UHRF1: variants seen among roughly 807,000 people sequenced by gnomAD.
The protein encoded by UHRF1 is ubiquitin like with PHD and ring finger domains 1, also known as E3 ubiquitin-protein ligase UHRF1.
UHRF1 carries 9 observed loss-of-function variants against 96.5 expected under a neutral mutation model. The ratio of observed to expected loss-of-function variants is 0.09; its 90% CI spans 0.06 to 0.16. UHRF1 has a LOEUF of 0.16. Ranked by LOEUF, UHRF1 falls within the 10% of genes least tolerant of loss-of-function variation. The probability of loss-of-function intolerance (pLI) is 1.00; values close to 1 mark genes in which losing one functional copy is unlikely to be tolerated. For synonymous variants in UHRF1, 455 were observed against 469.9 expected (o/e 0.97, Z 0.41); for missense variants, 626 against 1,131.1 (o/e 0.55, Z 6.40).
rs375885111 is a variant in UHRF1 at position 4,929,219 on chromosome 19, C to T, written c.154-3C>T. On this transcript the variant is annotated splice_polypyrimidine_tract_variant and splice_region_variant and intron_variant, in intron 2 of 16. Coordinates refer to ENST00000650932, the MANE Select transcript of UHRF1 (RefSeq NM_001048201.3). ...ACAGCGTCTGCCTCTGGTGTCCCTG[C>T]AGATGGAGGACGGCCATACCCTCTT... The T allele has an allele frequency of 4.0e-5, 64 of 1,608,836 alleles. No individual in the cohort carries two copies. The African/African-American group carries it at 7.6e-4, about 19-fold the overall frequency.
At chr19:4,905,201 C>T (rs977061499), upstream of UHRF1, among the ~76,000 whole-genome samples, 7 of 143,404 alleles carry the variant, frequency 4.9e-5, no homozygotes, top group Non-Finnish European at 9.0e-5. Flanking sequence ...ACTGCAAGCT[C>T]TGCCTCCCAG....
chr19:4,939,819 TC>T (rs2033330738), intron 5 of UHRF1, among the ~76,000 whole-genome samples: 1 of 152,054 alleles, frequency 6.6e-6, no homozygotes, highest in Non-Finnish European at 1.5e-5. Flanking sequence ...GGTCAGGAGA[TC>T]GAGACCATCC....
chr19:4,910,340 G>GGGGGAGGCCGGCAAGGA (rs2032210941), intron 1 of UHRF1: 1 of 142,344 alleles, frequency 7.0e-6, no homozygotes, highest in Non-Finnish European at 1.6e-5. Flanking sequence ...GCACGCGCGC[G>GGGGGAGGCCGGCAAGGA]GGGGGGGCCG....
intron 5 of UHRF1, among the ~76,000 whole-genome samples, chr19:4,939,686 G>C (rs778065539): frequency 2.0e-5 from 3 of 152,144 alleles, no homozygotes; most frequent in Non-Finnish European, 2.9e-5. Context: ...CCTGTGCTGT[G>C]CTTGAAATGT....
At chr19:4,924,844 T>C (rs2032818198) in intron 2 of UHRF1, among the ~76,000 whole-genome samples, 1 of 151,336 alleles carries the variant, frequency 6.6e-6, no homozygotes, top group Admixed American at 6.6e-5. Context: ...TTTTTTTTTT[T>C]TGAGACAGTG....
chr19:4,936,524 T>G (rs2033220335), intron 5 of UHRF1, among the ~76,000 whole-genome samples: 1 of 152,178 alleles, frequency 6.6e-6, no homozygotes, highest in Non-Finnish European at 1.5e-5. Context: ...GCTACCAGCC[T>G]TTGCCAGGGC....
In UHRF1 at chr19:4,954,919, C is replaced by T; in HGVS notation, c.2130+97C>T. ...ATGTTCCCCATTTTCAAGTGTACAG[C>T]TCAGTCGCACTGAGTACATTCTTGT... On this transcript the variant is annotated intron_variant, in intron 15 of 16. Transcript: ENST00000650932. The surrounding 1 kb of genome is among the most constrained non-coding windows in gnomAD (Gnocchi z 5.9). 1 of 1,436,946 alleles carries T rather than the reference C, an allele frequency of 7.0e-7. No homozygotes were observed. Among genetic ancestry groups the T allele is most frequent in the South Asian group, 1.3e-5 (1 of 78,240 alleles). 89.0% of individuals were successfully genotyped at this position (1,436,946 alleles called of 1,614,324 possible). A position where few individuals can be genotyped will look rare whatever the true frequency, so the allele number is the denominator to read the frequency against.
At position 4,941,618 on chromosome 19, in the gene UHRF1, C is replaced by T. The variant is rs371556927; in HGVS notation, c.876C>T (p.Asn292=). Residue 292 remains asparagine, a synonymous_variant, in exon 6 of 17, where the codon AAC becomes AAT. Transcript: ENST00000650932. The stretch of plus-strand genomic sequence containing the variant: ...GTGAAGGGAGCCCCATGGTTGACAA[C>T]CCCATGAGACGTGAGTTCTGAGCCA... ...RPGEGSPMVD[N]PMRRKSGPSC... 6 of 1,613,202 alleles carry T rather than the reference C, an allele frequency of 3.7e-6. 1 individual carries two copies. The highest frequency in any genetic ancestry group is 3.3e-5 in the South Asian group (3 of 90,944).
In UHRF1 at chr19:4,947,490, CTTTTTTTTTTTT is replaced by C. The variant is rs985069179; in HGVS notation, c.1517+297_1517+308del. Among the ~76,000 whole-genome samples, 51 of 57,892 alleles carry C rather than the reference CTTTTTTTTTTTT, an allele frequency of 8.8e-4. 1 individual carries two copies. The highest frequency in any genetic ancestry group is 4.3e-3 in the Admixed American group (16 of 3,716). The allele number at this position is 57,892 out of a possible 152,430, so 38.0% of individuals were successfully genotyped here. On this transcript the variant is annotated intron_variant, in intron 11 of 16. Transcript: ENST00000650932. ...CTATAAAAGGCCAGATAATAGATAT[CTTTTTTTTTTTT>C]TTTTTTTTTTTTTTTTTGGGCAGAG...
At chr19:4,950,818 C>T (rs758255922) in intron 12 of UHRF1, 41 bp from the exon 13 acceptor site, 1 of 1,614,008 alleles carries the variant, frequency 6.2e-7, no homozygotes, top group Non-Finnish European at 8.5e-7. Flanking sequence ...CCCGCCGGGG[C>T]TGCCTCTGAT....
rs368202930 is a variant in UHRF1, at chr19:4,919,249, C to A, written c.153+8211C>A. 2.0e-3 allele frequency among the ~76,000 whole-genome samples: 308 copies of A among 151,902 alleles called. 3 individuals carry two copies. The highest frequency in any genetic ancestry group is 6.7e-3 in the African/African-American group (279 of 41,424). ...ACTCAAGTGATCCTCCCGTCTTGGC[C>A]TCCCAAATCATACCTGAGATTACAG... On this transcript the variant is annotated intron_variant, in intron 2 of 16. Transcript: ENST00000650932.
chr19:4,909,280 C>G (rs1424701934), upstream of UHRF1: 1 of 532,386 alleles, frequency 1.9e-6, no homozygotes, highest in Non-Finnish European at 3.3e-6. Flanking sequence ...CCCTGCCACG[C>G]AGCCCCTTTG....
intron 5 of UHRF1, among the ~76,000 whole-genome samples, chr19:4,935,834 T>C (rs2033199814): frequency 6.6e-6 from 1 of 151,834 alleles, no homozygotes. Flanking sequence ...GAGGTGGGGG[T>C]TGTGGGGCCA....
At chr19:4,931,287 C>T (rs1054306973) in intron 4 of UHRF1, among the ~76,000 whole-genome samples, 2 of 152,112 alleles carry the variant, frequency 1.3e-5, no homozygotes, top group African/African-American at 4.8e-5. Flanking sequence ...TGCGTCTGTC[C>T]GTGCTGCCAT....
intron 5 of UHRF1, among the ~76,000 whole-genome samples, chr19:4,938,321 G>A (rs1450676430): frequency 6.6e-6 from 1 of 151,936 alleles, no homozygotes; most frequent in Non-Finnish European, 1.5e-5. Flanking sequence ...GGAATTAGCC[G>A]GTTTCTCTGA....
At chr19:4,908,703 A>G (rs780720531), upstream of UHRF1, among the ~76,000 whole-genome samples, 81 of 152,224 alleles carry the variant, frequency 5.3e-4, no homozygotes, top group Admixed American at 9.2e-4. Flanking sequence ...TCACTCTCCT[A>G]TAAGGAATCA....
upstream of UHRF1, among the ~76,000 whole-genome samples, chr19:4,905,070 C>T (rs900469650): frequency 2.6e-5 from 4 of 151,232 alleles, no homozygotes; most frequent in Middle Eastern, 3.5e-3. Context: ...ACATTTGGCC[C>T]AGGATGGAAT....
chr19:4,919,539 T>A (rs2032634760), intron 2 of UHRF1, among the ~76,000 whole-genome samples: 2 of 152,056 alleles, frequency 1.3e-5, no homozygotes, highest in Non-Finnish European at 2.9e-5. Context: ...CCTGACCTCA[T>A]GATCCACCCG....
At chr19:4,957,514 T>G (rs867498615) in intron 16 of UHRF1, among the ~76,000 whole-genome samples, 3 of 152,070 alleles carry the variant, frequency 2.0e-5, no homozygotes, top group Non-Finnish European at 2.9e-5. Context: ...TTCACCGTGT[T>G]AGCCAGGATG....
Sources: gnomAD v4.1 joint callset for allele counts (sites outside exome capture counted in the v4.1 genomes callset) on GRCh38, gnomAD v4.1.1 for gene constraint, Gnocchi (gnomAD v3.1) non-coding constraint, MANE v1.5 for transcripts, NCBI Gene and HGNC (gene_info 2026-07-23, HGNC 2026-07-21) for gene names.